SGCZ: variants seen among roughly 807,000 people sequenced by gnomAD.
SGCZ encodes zeta-sarcoglycan.
Under a neutral mutation model 41.3 loss-of-function variants are expected in SGCZ, and 40 were observed. The ratio of observed to expected loss-of-function variants is 0.97; its 90% confidence interval spans 0.75 to 1.26. The LOEUF (loss-of-function observed/expected upper bound fraction) is 1.26, where lower values mean the gene tolerates loss of function less well. Ranked by LOEUF, SGCZ falls within the 50% of genes most tolerant of loss-of-function variation. The probability of loss-of-function intolerance (pLI) is 0.00; values close to 1 mark genes in which losing one functional copy is unlikely to be tolerated. For synonymous variants in SGCZ, 206 were observed against 137.5 expected, an observed-to-expected ratio of 1.50 and a Z score of -3.49; for missense variants, 552 against 369.8, an observed-to-expected ratio of 1.49 and a Z score of -4.04.
intron 1 of SGCZ, among the ~76,000 whole-genome samples, chr8:14,700,927 G>C (rs577128658): frequency 6.6e-6 from 1 of 151,866 alleles, no homozygotes; most frequent in Non-Finnish European, 1.5e-5. Context: ...GGGAAGGTTA[G>C]TAGGTAGGTG....
intron 1 of SGCZ, among the ~76,000 whole-genome samples, chr8:14,798,381 T>G (rs1177488575): frequency 6.6e-6 from 1 of 152,212 alleles, no homozygotes; most frequent in African/African-American, 2.4e-5. Flanking sequence ...TATCATAAAG[T>G]ATGTTACTTA....
At chr8:14,247,186 A>G (rs1253995815) in intron 3 of SGCZ, among the ~76,000 whole-genome samples, 1 of 152,142 alleles carries the variant, frequency 6.6e-6, no homozygotes, top group East Asian at 1.9e-4. Context: ...CATTTGGTTT[A>G]GTCACGGTTA....
chr8:15,033,106 G>C (rs1803741158), intron 1 of SGCZ, among the ~76,000 whole-genome samples: 1 of 152,012 alleles, frequency 6.6e-6, no homozygotes, highest in African/African-American at 2.4e-5. Context: ...AGTAGGCTCA[G>C]GTCCAGGCCT....
chr8:14,898,668 T>C (rs1010363460), intron 1 of SGCZ, among the ~76,000 whole-genome samples: 1 of 152,164 alleles, frequency 6.6e-6, no homozygotes, highest in Non-Finnish European at 1.5e-5. Context: ...ATGGATTATA[T>C]CTGAGATGAG....
intron 2 of SGCZ, among the ~76,000 whole-genome samples, chr8:14,437,933 T>C (rs761965708): frequency 1.3e-5 from 2 of 151,916 alleles, no homozygotes; most frequent in African/African-American, 2.4e-5. Flanking sequence ...GATTACCGAT[T>C]TGTGTTGTAA....
At chr8:14,616,821 G>A (rs1199297006) in intron 1 of SGCZ, among the ~76,000 whole-genome samples, 1 of 152,116 alleles carries the variant, frequency 6.6e-6, no homozygotes, top group South Asian at 2.1e-4. Context: ...AGCAATTTAA[G>A]ATCTCCATAA....
intron 1 of SGCZ, among the ~76,000 whole-genome samples, chr8:15,179,897 A>G (rs545546250): frequency 6.6e-6 from 1 of 152,296 alleles, no homozygotes; most frequent in South Asian, 2.1e-4. Flanking sequence ...CCACACAACA[A>G]CCTGCAAGGA....
chr8:14,832,736 T>C (rs943522738), intron 1 of SGCZ, among the ~76,000 whole-genome samples: 4 of 152,174 alleles, frequency 2.6e-5, no homozygotes, highest in Non-Finnish European at 5.9e-5. Context: ...ATTTATGATC[T>C]GTGTGCTTTC....
At chr8:14,892,015 C>A (rs1214527664) in intron 1 of SGCZ, among the ~76,000 whole-genome samples, 2 of 152,190 alleles carry the variant, frequency 1.3e-5, no homozygotes, top group Non-Finnish European at 2.9e-5. Flanking sequence ...ACTGGGCAAC[C>A]AACAAATTCG....
At chr8:14,121,557 T>C (rs1475995085) in intron 5 of SGCZ, among the ~76,000 whole-genome samples, 2 of 152,166 alleles carry the variant, frequency 1.3e-5, no homozygotes, top group Non-Finnish European at 2.9e-5. Flanking sequence ...GTTATTATTG[T>C]TGTTAAACTG....
chr8:14,603,208 T>C (rs1563145831), intron 1 of SGCZ, among the ~76,000 whole-genome samples: 1 of 152,200 alleles, frequency 6.6e-6, no homozygotes, highest in Non-Finnish European at 1.5e-5. Flanking sequence ...AACGGCTTTT[T>C]TGATCTAGAA....
intron 1 of SGCZ, among the ~76,000 whole-genome samples, chr8:14,999,150 T>A (rs1270453717): frequency 6.6e-6 from 1 of 152,204 alleles, no homozygotes; most frequent in East Asian, 1.9e-4. Context: ...AATGTTTCCA[T>A]GTAGCCACAC....
intron 2 of SGCZ, among the ~76,000 whole-genome samples, chr8:14,517,210 A>AAG (rs5889536): frequency 6.6e-6 from 1 of 152,034 alleles, no homozygotes; most frequent in Non-Finnish European, 1.5e-5. Flanking sequence ...AAACAAAAAA[A>AAG]TGCCAAAACT....
intron 1 of SGCZ, among the ~76,000 whole-genome samples, chr8:14,960,408 A>T (rs1444854398): frequency 1.3e-5 from 2 of 152,112 alleles, no homozygotes; most frequent in Non-Finnish European, 2.9e-5. Context: ...TTCTGAGAGT[A>T]AGAACTAGCA....
At chr8:14,570,805 AG>A (rs1804527823) in intron 1 of SGCZ, among the ~76,000 whole-genome samples, 1 of 152,180 alleles carries the variant, frequency 6.6e-6, no homozygotes. Context: ...TATTTCCATA[AG>A]CTTTTAAAGA....
chr8:14,196,699 G>C (rs185564713), intron 4 of SGCZ, among the ~76,000 whole-genome samples: 101 of 152,220 alleles, frequency 6.6e-4, no homozygotes, highest in Non-Finnish European at 1.3e-3. Flanking sequence ...AATATATTCA[G>C]AAGTAAAAGT....
Position 14,244,691 on chromosome 8 carries a change from C to T in SGCZ, c.337-7012G>A, listed in dbSNP as rs190105226. Among the ~76,000 whole-genome samples, 71 of 151,848 alleles carry T rather than the reference C, an allele frequency of 4.7e-4. No individual in the cohort carries two copies. The East Asian group carries it at 0.012, about 25-fold the overall frequency. On this transcript the variant is annotated intron_variant, in intron 3 of 7. Coordinates refer to ENST00000382080, the MANE Select transcript of SGCZ (RefSeq NM_139167.4). ...CTATAAATTATCTTGGGCAGTATGG[C>T]CATTTTCACGATATTGATTCTTCCT...
intron 1 of SGCZ, among the ~76,000 whole-genome samples, chr8:14,930,046 A>G (rs1181637580): frequency 6.6e-6 from 1 of 152,066 alleles, no homozygotes; most frequent in Non-Finnish European, 1.5e-5. Context: ...CTTAGCAAGC[A>G]CTTCAAAAAT....
chr8:14,452,099 G>C (rs1367385026), intron 2 of SGCZ, among the ~76,000 whole-genome samples: 1 of 152,114 alleles, frequency 6.6e-6, no homozygotes, highest in Non-Finnish European at 1.5e-5. Flanking sequence ...CAGTAGATGA[G>C]TGGATACACA....
Sources: gnomAD v4.1 joint callset for allele counts (sites outside exome capture counted in the v4.1 genomes callset) on GRCh38, gnomAD v4.1.1 for gene constraint, MANE v1.5 for transcripts, NCBI Gene and HGNC (gene_info 2026-07-23, HGNC 2026-07-21) for gene names.